Variants in CFAP299 observed in about 807,000 individuals in gnomAD.
CFAP299 encodes cilia- and flagella-associated protein 299.
A neutral mutation model predicts 27.0 loss-of-function variants in CFAP299; 21 were observed. The ratio of observed to expected loss-of-function variants is 0.78; its 90% CI spans 0.55 to 1.12. CFAP299 has a LOEUF of 1.12. Ranked by LOEUF, CFAP299 falls within the 50% of genes most tolerant of loss-of-function variation. The pLI is 0.00. For synonymous variants in CFAP299, 104 were observed against 98.1 expected (o/e 1.06, Z -0.36); for missense variants, 310 against 276.6 (o/e 1.12, Z -0.86).
intron 3 of CFAP299, among the ~76,000 whole-genome samples, chr4:80,693,954 A>G (rs1006580735): frequency 6.6e-6 from 1 of 152,174 alleles, no homozygotes; most frequent in African/African-American, 2.4e-5. Context: ...TTTCATAAAA[A>G]GCCAAATGTA....
intron 3 of CFAP299, among the ~76,000 whole-genome samples, chr4:80,648,095 A>AAAAAC (rs1740116915): frequency 6.6e-6 from 1 of 152,184 alleles, no homozygotes; most frequent in Non-Finnish European, 1.5e-5. Context: ...AAAGTTAGTT[A>AAAAAC]ATGTTTTGGA....
intron 2 of CFAP299, among the ~76,000 whole-genome samples, chr4:80,402,656 T>C (rs1202284818): frequency 6.6e-6 from 1 of 152,166 alleles, no homozygotes; most frequent in Non-Finnish European, 1.5e-5. Context: ...ATATCCAAGT[T>C]TGTACAACCA....
intron 2 of CFAP299, among the ~76,000 whole-genome samples, chr4:80,547,154 A>G (rs1353635035): frequency 1.3e-5 from 2 of 152,182 alleles, no homozygotes; most frequent in Admixed American, 6.5e-5. Context: ...CAACCAAAAT[A>G]GCATGGTACT....
chr4:80,872,637 G>A (rs1733160963), intron 4 of CFAP299: 1 of 152,144 alleles, frequency 6.6e-6, no homozygotes, highest in South Asian at 2.1e-4. Flanking sequence ...ACCAACACAA[G>A]ATATTAACAA....
At chr4:80,839,975 A>G (rs542231254) in intron 3 of CFAP299, among the ~76,000 whole-genome samples, 2 of 152,186 alleles carry the variant, frequency 1.3e-5, no homozygotes, top group South Asian at 4.1e-4. Context: ...AGATAATGAA[A>G]CTGCTTTATG....
chr4:80,426,984 G>T (rs1727559799), intron 2 of CFAP299, among the ~76,000 whole-genome samples: 1 of 152,104 alleles, frequency 6.6e-6, no homozygotes, highest in Admixed American at 6.6e-5. Flanking sequence ...ATAAAATGTA[G>T]ATCTATAGGC....
At chr4:80,674,904 T>C (rs979249709) in intron 3 of CFAP299, among the ~76,000 whole-genome samples, 1 of 152,244 alleles carries the variant, frequency 6.6e-6, no homozygotes. Flanking sequence ...ACACTGTTTA[T>C]TCTAGTTAGC....
chr4:80,859,183 T>C (rs1206840686), intron 3 of CFAP299, among the ~76,000 whole-genome samples: 1 of 152,192 alleles, frequency 6.6e-6, no homozygotes, highest in Non-Finnish European at 1.5e-5. Context: ...TTTGTCTCTT[T>C]TGATCTTTGT....
intron 3 of CFAP299, among the ~76,000 whole-genome samples, chr4:80,694,997 A>G (rs1720996385): frequency 2.0e-5 from 3 of 152,324 alleles, no homozygotes; most frequent in South Asian, 4.1e-4. Context: ...TGACCAAATC[A>G]TTAGGGTTTT....
At chr4:80,699,146 C>T (rs1318786432) in intron 3 of CFAP299, among the ~76,000 whole-genome samples, 10 of 152,072 alleles carry the variant, frequency 6.6e-5, no homozygotes. Context: ...CTTATGGTAC[C>T]TTAGACTTCT....
intron 3 of CFAP299, among the ~76,000 whole-genome samples, chr4:80,615,963 T>C (rs759160346): frequency 1.3e-5 from 2 of 152,194 alleles, no homozygotes; most frequent in Non-Finnish European, 2.9e-5. Context: ...CTTTTAGGAA[T>C]AGGTAATTGA....
chr4:80,600,917 A>G (rs1431136521), intron 3 of CFAP299, among the ~76,000 whole-genome samples: 2 of 152,292 alleles, frequency 1.3e-5, no homozygotes, highest in East Asian at 3.9e-4. Flanking sequence ...CAGTTGTAGA[A>G]AGAGGGTAAC....
intron 2 of CFAP299, among the ~76,000 whole-genome samples, chr4:80,550,516 T>G: frequency 6.6e-6 from 1 of 152,100 alleles, no homozygotes; most frequent in Non-Finnish European, 1.5e-5. Context: ...CTTTAGATAT[T>G]TGGTTGGGTA....
At chr4:80,935,230 T>C in intron 4 of CFAP299, among the ~76,000 whole-genome samples, 1 of 152,022 alleles carries the variant, frequency 6.6e-6, no homozygotes, top group East Asian at 1.9e-4. Context: ...TGTCAGAAAC[T>C]GTACTTGGTA....
chr4:80,850,316 A>G (rs1731444454), intron 3 of CFAP299, among the ~76,000 whole-genome samples: 1 of 152,064 alleles, frequency 6.6e-6, no homozygotes. Context: ...CCATATAATT[A>G]GAAGTAGAAA....
At chr4:80,515,936 TAGAA>T (rs762314791) in intron 2 of CFAP299, among the ~76,000 whole-genome samples, 1 of 151,964 alleles carries the variant, frequency 6.6e-6, no homozygotes, top group Non-Finnish European at 1.5e-5. Context: ...AGAAAGAAGA[TAGAA>T]AGTACATTGC....
intron 3 of CFAP299, among the ~76,000 whole-genome samples, chr4:80,667,633 C>T (rs1029248545): frequency 6.6e-6 from 1 of 152,102 alleles, no homozygotes; most frequent in Non-Finnish European, 1.5e-5. Context: ...CCAGTTCTAT[C>T]CATGCTGCTA....
chr4:80,559,978 ACT>A lies in CFAP299; in HGVS notation c.243-23114_243-23113del, dbSNP rs1734960532. Among the ~76,000 whole-genome samples, 3 of 152,244 alleles carry A rather than the reference ACT, an allele frequency of 2.0e-5. No individual in the cohort carries two copies. In the South Asian group the frequency reaches 6.2e-4, roughly 32 times the overall value. ...AGTGGACTAAGGGATCACATAACAT[ACT>A]GAGACACCAGCTGGGACAGCCAAGG... is the stretch of plus-strand genomic sequence containing the variant. On this transcript the variant is annotated intron_variant, in intron 2 of 5. Coordinates refer to ENST00000358105, the MANE Select transcript of CFAP299 (RefSeq NM_152770.3).
chr4:80,884,156 T>G (rs1012920137), intron 4 of CFAP299, among the ~76,000 whole-genome samples: 7 of 152,100 alleles, frequency 4.6e-5, no homozygotes, highest in African/African-American at 1.7e-4. Flanking sequence ...AAACAAAAAT[T>G]CAGAAAGAAA....
Sources: allele counts gnomAD v4.1 joint callset (sites outside exome capture counted in the v4.1 genomes callset), GRCh38; gene constraint gnomAD v4.1.1; transcripts MANE v1.5; gene names NCBI Gene and HGNC (gene_info 2026-07-23, HGNC 2026-07-21).